The following TLR5 variants were observed in gnomAD, a reference collection of about 807,000 sequenced individuals.
TLR5 encodes toll-like receptor 5.
For synonymous variants in TLR5, 373 were observed against 384.4 expected (o/e 0.97, Z 0.35); for missense variants, 944 against 999.8 (o/e 0.94, Z 0.75).
rs774707781 is a variant in TLR5 at position 223,111,792 on chromosome 1, T to C, written c.1240A>G (p.Lys414Glu). The change falls in exon 6 of 6, where the codon AAA becomes GAA. Residue 414 changes from lysine (K) to glutamate (E), a missense_variant. Transcript: ENST00000642603. Reference protein sequence around the residue: ...SIPDIFLSGNKLVTLPKINLT... With the variant: ...SIPDIFLSGNELVTLPKINLT... ...TTGATCTTTGGCAAAGTCACTAGTT[T>C]ATTGCCACTCAAGAAGATATCGGGT... is the stretch of plus-strand genomic sequence containing the variant. 3.1e-6 allele frequency: 5 copies of C among 1,614,198 alleles called. No individual in the cohort carries two copies. Among genetic ancestry groups the C allele is most frequent in the Non-Finnish European group, 4.2e-6 (5 of 1,180,038 alleles).
intron 5 of TLR5, chr1:223,129,042 CTGAAGGCCT>C (rs1231144981): frequency 6.6e-6 from 1 of 152,286 alleles, no homozygotes; most frequent in African/African-American, 2.4e-5. Context: ...GCACCATTCC[CTGAAGGCCT>C]TGAAAGTGCC....
In TLR5 at chr1:223,111,496, G is replaced by A; in HGVS notation, c.1536C>T (p.Asn512=). Residue 512 remains asparagine (N), a synonymous_variant, in exon 6 of 6, where the codon AAC becomes AAT. Transcript: ENST00000642603. ...SHLQVLYLNH[N]YLNSLPPGVF... ...CTCCTGGTGGAAGGGAATTAAGATA[G>A]TTATGATTCAAATACAGAACTTGAA... The A allele has an allele frequency of 6.2e-7, 1 of 1,614,132 alleles. No homozygotes were observed. Among genetic ancestry groups the A allele is most frequent in the South Asian group, 1.1e-5 (1 of 91,088 alleles).
At position 223,131,813 on chromosome 1, in the gene TLR5, T is replaced by C. The variant is rs1279447633; in HGVS notation, c.-5+662A>G. Among the ~76,000 whole-genome samples the C allele has an allele frequency of 6.6e-6, 1 of 152,004 alleles. No homozygotes were observed. Among genetic ancestry groups the C allele is most frequent in the African/African-American group, 2.4e-5 (1 of 41,394 alleles). ...CCAGACTGGTCTCGAACTCCTGGGA[T>C]CCAGCGATCCACCTGCCTCGGCCTC... is the stretch of plus-strand genomic sequence containing the variant. On this transcript the variant is annotated intron_variant, in intron 5 of 5. Transcript: ENST00000642603. The surrounding 1 kb of genome is among the most constrained non-coding windows in gnomAD (Gnocchi z 4.2).
chr1:223,112,966 A>G lies in TLR5; in HGVS notation c.66T>C (p.Pro22=). 1 of 1,614,202 alleles carries G rather than the reference A, an allele frequency of 6.2e-7. No homozygotes were observed. Among genetic ancestry groups the G allele is most frequent in the Non-Finnish European group, 8.5e-7 (1 of 1,180,022 alleles). Residue 22 remains proline, a synonymous_variant, in exon 6 of 6, where the codon CCT becomes CCC. Coordinates refer to ENST00000642603, the MANE Select transcript of TLR5 (RefSeq NM_003268.6). ...VLMAGPVFGI[P]SCSFDGRIAF... is the part of the protein sequence containing the mutation. ...CTATTCGGCCATCAAAGGAGCAGGA[A>G]GGAATTCCAAACACAGGACCGGCCA...
intron 2 of TLR5, among the ~76,000 whole-genome samples, chr1:223,139,943 T>A (rs576767840): frequency 6.6e-6 from 1 of 152,240 alleles, no homozygotes; most frequent in South Asian, 2.1e-4. Flanking sequence ...ACGCCTCTTA[T>A]GTGCCAGACA....
rs777684210 is a variant in TLR5, at chr1:223,111,914, G to A, written c.1118C>T (p.Ala373Val). 6.3e-5 allele frequency: 102 copies of A among 1,613,932 alleles called. No individual in the cohort carries two copies. Among genetic ancestry groups the A allele is most frequent in the Non-Finnish European group, 8.1e-5 (95 of 1,180,006 alleles). The change falls in exon 6 of 6, where the codon GCA (alanine) becomes GTA (valine). Residue 373 changes from alanine to valine, a missense_variant. Transcript: ENST00000642603. Reference protein sequence around the residue: ...AYIDLQKNHIAIIQDQTFKFL... With the variant: ...AYIDLQKNHIVIIQDQTFKFL... ...TTTGAATGTTTGGTCTTGAATTATT[G>A]CAATGTGATTCTTTTGCAAATCAAT...
intron 5 of TLR5, among the ~76,000 whole-genome samples, chr1:223,121,644 G>A (rs1338028156): frequency 6.6e-6 from 1 of 152,130 alleles, no homozygotes; most frequent in East Asian, 1.9e-4. Flanking sequence ...TCAGCCTCCT[G>A]AATAGCTGGG....
intron 2 of TLR5, among the ~76,000 whole-genome samples, chr1:223,139,400 G>C (rs184528449): frequency 6.6e-6 from 1 of 152,330 alleles, no homozygotes; most frequent in Admixed American, 6.5e-5. Context: ...AGCCATAAGA[G>C]GGTGTGATAA....
At position 223,111,102 on chromosome 1, in the gene TLR5, T is replaced by A. The variant is rs5744175; in HGVS notation, c.1930A>T (p.Ile644Phe). The part of the protein sequence containing the change: ...VLKSLKFSLF[I>F]VCTVTLTLFL... ...AGAGTCAGAGTGACAGTGCATACAA[T>A]GAAAAGGGAGAACTTTAGGGACTTT... Residue 644 changes from isoleucine to phenylalanine, a missense_variant, in exon 6 of 6, where the codon ATT (isoleucine) becomes TTT (phenylalanine). Transcript: ENST00000642603. 14,087 of 1,614,104 alleles carry A rather than the reference T, an allele frequency of 8.7e-3. 81 individuals are homozygous for A. The highest frequency in any genetic ancestry group is 0.014 in the Middle Eastern group (85 of 6,062).
At chr1:223,137,448 G>A (rs1165617448) in intron 2 of TLR5, among the ~76,000 whole-genome samples, 185 bp from the exon 3 acceptor site, 1 of 152,192 alleles carries the variant, frequency 6.6e-6, no homozygotes, top group Non-Finnish European at 1.5e-5. Context: ...CTTTTACTGT[G>A]TTATTAATTT....
At chr1:223,124,364 G>A (rs1273510285) in intron 5 of TLR5, among the ~76,000 whole-genome samples, 2 of 151,216 alleles carry the variant, frequency 1.3e-5, no homozygotes, top group Non-Finnish European at 2.9e-5. Context: ...AAACCCTTGA[G>A]CCCAGGAGGC....
At chr1:223,134,604 T>G (rs1310234495) in intron 4 of TLR5, 78 bp downstream of exon 4, 1 of 152,324 alleles carries the variant, frequency 6.6e-6, no homozygotes, top group Non-Finnish European at 1.5e-5. Context: ...TTTTTAGTGA[T>G]TATTAAAAAC....
intron 5 of TLR5, among the ~76,000 whole-genome samples, chr1:223,120,706 C>T (rs137981313): frequency 6.6e-6 from 1 of 152,310 alleles, no homozygotes; most frequent in Non-Finnish European, 1.5e-5. Flanking sequence ...CAAACAGTGC[C>T]CATCTGCATC....
In TLR5 at chr1:223,110,958, T is replaced by C. The variant is rs745324965; in HGVS notation, c.2074A>G (p.Lys692Glu). ...CTGAAGCACAAATAGGCATCATATT[T>C]GTACATATCAGGTTCTGTGCCCTGG... ...HPQGTEPDMY[K>E]YDAYLCFSSK... The change falls in exon 6 of 6, where the codon AAA becomes GAA. Residue 692 changes from lysine to glutamate, a missense_variant. Physicochemically the swap from Lys to Glu is moderately conservative, Grantham distance 56. Coordinates refer to ENST00000642603, the MANE Select transcript of TLR5 (RefSeq NM_003268.6). 1.5e-5 allele frequency: 24 copies of C among 1,614,262 alleles called. 1 individual carries two copies. The South Asian group carries it at 2.2e-4, about 15-fold the overall frequency.
In TLR5 at chr1:223,112,535, A is replaced by C. The variant is rs767069440; in HGVS notation, c.497T>G (p.Phe166Cys). ...GGACTTTAAGGAATTCAACTTCCCA[A>C]ATGAAGGATGAAGGTAAAGGCTACG... The part of the protein sequence containing the change: ...QIRSLYLHPS[F>C]GKLNSLKSID... The change falls in exon 6 of 6, where the codon TTT (phenylalanine) becomes TGT (cysteine). Residue 166 changes from phenylalanine to cysteine, a missense_variant. Physicochemically the swap from Phe to Cys is radical, Grantham distance 205. Coordinates refer to ENST00000642603, the MANE Select transcript of TLR5 (RefSeq NM_003268.6). 4 of 1,614,266 alleles carry C rather than the reference A, an allele frequency of 2.5e-6. No individual in the cohort carries two copies. The South Asian group carries it at 4.4e-5, about 18-fold the overall frequency.
In TLR5 at chr1:223,132,809, G is replaced by A. The variant is rs148763136; in HGVS notation, c.-169-170C>T. On this transcript the variant is annotated intron_variant, in intron 4 of 5. Transcript: ENST00000642603. Reference sequence around the variant, plus strand: ...TCAAGACCATTTTGTAAATCAAGGCGGACAGAACACCAAGGTTGAAGTTGG... The same window carrying A: ...TCAAGACCATTTTGTAAATCAAGGCAGACAGAACACCAAGGTTGAAGTTGG... Among the ~76,000 whole-genome samples, 518 of 152,262 alleles carry A rather than the reference G, an allele frequency of 3.4e-3. 6 individuals carry two copies. The highest frequency in any genetic ancestry group is 4.5e-3 in the Non-Finnish European group (304 of 68,034).
chr1:223,131,875 C>A lies in TLR5; in HGVS notation c.-5+600G>T, dbSNP rs538339443. Among the ~76,000 whole-genome samples, 10 of 152,124 alleles carry A rather than the reference C, an allele frequency of 6.6e-5. No homozygotes were observed. Among genetic ancestry groups the A allele is most frequent in the Non-Finnish European group, 1.0e-4 (7 of 67,996 alleles). ...GGATTCCAGGCATGAGCCACCATGC[C>A]TGGCCTATATGCACTCTTTATCTCC... On this transcript the variant is annotated intron_variant, in intron 5 of 5. Coordinates refer to ENST00000642603, the MANE Select transcript of TLR5 (RefSeq NM_003268.6). The surrounding 1 kb of genome is among the most constrained non-coding windows in gnomAD (Gnocchi z 4.2).
chr1:223,141,813 A>G (rs1477724243), intron 1 of TLR5, 50 bp from the exon 2 acceptor site: 6 of 55,104 alleles, frequency 1.1e-4, no homozygotes, highest in Non-Finnish European at 2.1e-4. Flanking sequence ...ATATATATAT[A>G]TATATATATA....
intron 1 of TLR5, 119 bp downstream of exon 1, chr1:223,143,077 C>G (rs1318174378): frequency 6.6e-6 from 1 of 152,104 alleles, no homozygotes. Context: ...AAAATAGACC[C>G]GGACAGCCCG....
Sources: allele counts gnomAD v4.1 joint callset (sites outside exome capture counted in the v4.1 genomes callset), GRCh38; gene constraint gnomAD v4.1.1; non-coding constraint Gnocchi (gnomAD v3.1); transcripts MANE v1.5; gene names NCBI Gene and HGNC (gene_info 2026-07-23, HGNC 2026-07-21).